Variants in TMTC2 observed in about 807,000 individuals in gnomAD.
TMTC2 encodes transmembrane O-mannosyltransferase targeting cadherins 2.
In TMTC2, 43 loss-of-function variants were observed where a neutral mutation model predicts 82.4. The observed-to-expected ratio is 0.52, with a 90% confidence interval of 0.41 to 0.67. TMTC2 has a LOEUF of 0.67. TMTC2 is among the 30% of genes least tolerant of loss of function. The pLI is 0.00. For synonymous variants in TMTC2, 408 were observed against 381.9 expected (o/e 1.07, Z -0.80); for missense variants, 919 against 1,012.4 (o/e 0.91, Z 1.25).
chr12:83,109,017 T>C (rs147974946), intron 11 of TMTC2, among the ~76,000 whole-genome samples: 22 of 152,348 alleles, frequency 1.4e-4, no homozygotes, highest in African/African-American at 5.1e-4. Flanking sequence ...GGCCAAGTTC[T>C]CTCAGATAAT....
intron 3 of TMTC2, among the ~76,000 whole-genome samples, chr12:82,897,496 A>G (rs910407703): frequency 2.6e-5 from 4 of 152,178 alleles, no homozygotes; most frequent in African/African-American, 9.7e-5. Flanking sequence ...ATCATAGTAA[A>G]TAGTACTAAA....
intron 2 of TMTC2, among the ~76,000 whole-genome samples, chr12:82,881,221 A>G (rs1255152228): frequency 6.6e-6 from 1 of 152,238 alleles, no homozygotes; most frequent in Non-Finnish European, 1.5e-5. Context: ...ATTTGAAGTA[A>G]GATCAAACTT....
chr12:82,720,038 C>T (rs1283510640), intron 1 of TMTC2, among the ~76,000 whole-genome samples: 1 of 152,006 alleles, frequency 6.6e-6, no homozygotes, highest in Non-Finnish European at 1.5e-5. Context: ...GTTTTTTTGT[C>T]TGTTTCTTGG....
At chr12:82,839,510 T>C in intron 1 of TMTC2, among the ~76,000 whole-genome samples, 1 of 152,196 alleles carries the variant, frequency 6.6e-6, no homozygotes, top group Non-Finnish European at 1.5e-5. Flanking sequence ...TTTCAAGTAT[T>C]ATGTTGACCT....
intron 3 of TMTC2, among the ~76,000 whole-genome samples, chr12:82,910,943 T>G (rs1187389157): frequency 1.3e-5 from 2 of 151,654 alleles, no homozygotes; most frequent in African/African-American, 2.4e-5. Context: ...TGCAGTGGTG[T>G]GATCTTGGCT....
chr12:82,997,014 C>G (rs1236434261), intron 8 of TMTC2, among the ~76,000 whole-genome samples: 1 of 151,830 alleles, frequency 6.6e-6, no homozygotes, highest in Non-Finnish European at 1.5e-5. Flanking sequence ...ATTGCTTTGG[C>G]TCAAGATGTT....
At chr12:83,047,047 A>C (rs1882170628) in intron 9 of TMTC2, among the ~76,000 whole-genome samples, 1 of 152,220 alleles carries the variant, frequency 6.6e-6, no homozygotes, top group Non-Finnish European at 1.5e-5. Context: ...TTTTTACAAT[A>C]GGTAGGCCAG....
chr12:83,004,423 A>G (rs1360520024), intron 8 of TMTC2, among the ~76,000 whole-genome samples: 3 of 152,228 alleles, frequency 2.0e-5, no homozygotes, highest in African/African-American at 7.2e-5. Context: ...CTGGGAAACT[A>G]GTGAGATCAT....
At chr12:82,954,712 C>T (rs1327503690) in intron 4 of TMTC2, among the ~76,000 whole-genome samples, 1 of 152,138 alleles carries the variant, frequency 6.6e-6, no homozygotes, top group East Asian at 1.9e-4. Flanking sequence ...TCTCAGATTT[C>T]AACCACTTTT....
rs1255577756 is a variant in TMTC2, at chr12:82,768,095, G to A, written c.83+80426G>A. 2.6e-5 allele frequency among the ~76,000 whole-genome samples: 4 copies of A among 152,106 alleles called. No homozygotes were observed. The East Asian group carries it at 7.7e-4, about 29-fold the overall frequency. ...TCTCCCTGTCCTACAGGATAGCCAG[G>A]GGCTTCTCCTCTCAGAACTTGTACA... On this transcript the variant is annotated intron_variant, in intron 1 of 11. Coordinates refer to ENST00000321196, the MANE Select transcript of TMTC2 (RefSeq NM_152588.3).
intron 2 of TMTC2, among the ~76,000 whole-genome samples, chr12:82,860,179 G>A (rs1301882925): frequency 1.1e-4 from 16 of 142,012 alleles, no homozygotes; most frequent in Admixed American, 8.8e-4. Flanking sequence ...TCACCATGTT[G>A]GCCAGGATGG....
chr12:82,704,912 G>A (rs748777227), intron 1 of TMTC2, among the ~76,000 whole-genome samples: 13 of 152,180 alleles, frequency 8.5e-5, no homozygotes, highest in African/African-American at 2.4e-4. Context: ...GGCACAATTC[G>A]CAATGGCAAA....
intron 8 of TMTC2, among the ~76,000 whole-genome samples, chr12:83,024,394 C>T (rs1881072145): frequency 6.6e-6 from 1 of 152,120 alleles, no homozygotes; most frequent in Non-Finnish European, 1.5e-5. Context: ...GCTTTTGGAC[C>T]TGTTTTATCA....
intron 1 of TMTC2, among the ~76,000 whole-genome samples, chr12:82,808,639 A>G (rs1464438705): frequency 2.0e-5 from 3 of 152,068 alleles, no homozygotes; most frequent in Non-Finnish European, 2.9e-5. Flanking sequence ...CTCTATTGGT[A>G]TTGGAAGCAA....
At chr12:83,035,718 C>T (rs1283949520) in intron 9 of TMTC2, among the ~76,000 whole-genome samples, 11 of 151,946 alleles carry the variant, frequency 7.2e-5, no homozygotes, top group Admixed American at 7.2e-4. Flanking sequence ...CTCATGTGGG[C>T]CTGTAATTCA....
chr12:82,978,109 G>T (rs1878761856), intron 7 of TMTC2, among the ~76,000 whole-genome samples: 1 of 151,508 alleles, frequency 6.6e-6, no homozygotes, highest in Non-Finnish European at 1.5e-5. Context: ...CAATGAACAG[G>T]TATAATGTTT....
intron 8 of TMTC2, among the ~76,000 whole-genome samples, chr12:82,996,440 T>C (rs1879619671): frequency 6.6e-6 from 1 of 152,222 alleles, no homozygotes; most frequent in Non-Finnish European, 1.5e-5. Flanking sequence ...GTGGAAGGCA[T>C]AATTCTTTTA....
intron 11 of TMTC2, among the ~76,000 whole-genome samples, chr12:83,071,250 G>A (rs893600061): frequency 6.6e-6 from 1 of 151,788 alleles, no homozygotes; most frequent in Non-Finnish European, 1.5e-5. Flanking sequence ...CACCTCCTGG[G>A]TTCACGCCAT....
At chr12:82,940,725 A>C (rs1876671366) in intron 4 of TMTC2, among the ~76,000 whole-genome samples, 1 of 145,402 alleles carries the variant, frequency 6.9e-6, no homozygotes, top group Non-Finnish European at 1.5e-5. Context: ...TTTCTATCCT[A>C]CCCCCACCTT....
Sources: gnomAD v4.1 joint callset for allele counts (sites outside exome capture counted in the v4.1 genomes callset) on GRCh38, gnomAD v4.1.1 for gene constraint, MANE v1.5 for transcripts, NCBI Gene and HGNC (gene_info 2026-07-23, HGNC 2026-07-21) for gene names.